ZNF469: variants seen among roughly 807,000 people sequenced by gnomAD.
ZNF469 encodes zinc finger protein 469.
ZNF469 carries 1 observed loss-of-function variant against 1.0 expected under a neutral mutation model. That is an observed-to-expected ratio of 1.00 (90% CI 0.35 to 4.73). ZNF469 has a LOEUF of 4.73. ZNF469 is among the 30% of genes most tolerant of loss of function. ZNF469 has a pLI of 0.16. For synonymous variants in ZNF469, 2,703 were observed against 2,363.4 expected, an observed-to-expected ratio of 1.14 and a Z score of -4.17; for missense variants, 6,100 against 5,356.3, an observed-to-expected ratio of 1.14 and a Z score of -4.33.
At chr16:88,224,301 G>A in the ZNF469 span, among the ~76,000 whole-genome samples, 4 of 152,210 alleles carry the variant, frequency 2.6e-5, no homozygotes, top group Non-Finnish European at 4.4e-5. Context: ...GGCGAGGCAG[G>A]GTGTTAGCCA....
In ZNF469 at chr16:88,439,273, C is replaced by G. The variant is rs1333390318; in HGVS notation, c.11803C>G (p.Leu3935Val). The stretch of plus-strand genomic sequence containing the variant: ...GGCCCAGAGTGACCTCCTCAGCCAG[C>G]TCTTCGGGCAGAGACTAACTGGCTT... ...AEAQSDLLSQ[L>V]FGQRLTGFKI... Residue 3935 changes from leucine (L) to valine (V), a missense_variant, in exon 3 of 3, where the codon CTC (leucine) becomes GTC (valine). Transcript: ENST00000565624. 6.4e-7 allele frequency: 1 copy of G among 1,550,494 alleles called. No homozygotes were observed. The highest frequency in any genetic ancestry group is 8.7e-7 in the Non-Finnish European group (1 of 1,147,004).
chr16:88,331,447 A>C, the ZNF469 span, among the ~76,000 whole-genome samples: 34 of 122,228 alleles, frequency 2.8e-4, no homozygotes, highest in East Asian at 8.0e-4. Flanking sequence ...TAACCATCAT[A>C]ATCACCACCA....
Position 88,431,159 on chromosome 16 carries a change from C to G in ZNF469, c.3689C>G (p.Thr1230Ser). ...DFPQEAKEPE[T>S]AEESAPDSTE... ...CCCCAGGAGGCCAAGGAGCCTGAAA[C>G]TGCCGAAGAGTCAGCCCCGGACAGC... The change falls in exon 3 of 3, where the codon ACT becomes AGT. Residue 1230 changes from threonine (T) to serine (S), a missense_variant. By Grantham distance (58) the Thr-to-Ser change is moderately conservative. Coordinates refer to ENST00000565624, the MANE Select transcript of ZNF469 (RefSeq NM_001367624.2). 1 of 1,550,360 alleles carries G rather than the reference C, an allele frequency of 6.5e-7. No individual in the cohort carries two copies. Among genetic ancestry groups the G allele is most frequent in the Non-Finnish European group, 8.7e-7 (1 of 1,146,958 alleles).
chr16:88,436,778 G>T lies in ZNF469; in HGVS notation c.9308G>T (p.Gly3103Val), dbSNP rs757127806. ...EEAAGAGRAQ[G>V]RGRPAKGRRA... ...GCTGCAGGGGCAGGGAGGGCCCAAG[G>T]CAGAGGCCGGCCGGCCAAGGGCAGG... The change falls in exon 3 of 3, where the codon GGC (glycine) becomes GTC (valine). Residue 3103 changes from glycine (G) to valine (V), a missense_variant. Coordinates refer to ENST00000565624, the MANE Select transcript of ZNF469 (RefSeq NM_001367624.2). 1.3e-6 allele frequency: 2 copies of T among 1,545,530 alleles called. No homozygotes were observed. Among genetic ancestry groups the T allele is most frequent in the Middle Eastern group, 1.7e-4 (1 of 5,976 alleles).
the ZNF469 span, among the ~76,000 whole-genome samples, chr16:88,313,790 G>C: frequency 9.2e-5 from 14 of 152,166 alleles, no homozygotes; most frequent in Admixed American, 9.2e-4. Flanking sequence ...TTCAGGCAGT[G>C]CTGCTGTGGA....
chr16:88,266,013 C>G, the ZNF469 span, among the ~76,000 whole-genome samples: 1 of 152,268 alleles, frequency 6.6e-6, no homozygotes, highest in Non-Finnish European at 1.5e-5. Context: ...CCACCCCCAA[C>G]AAGCTTGAGC....
the ZNF469 span, among the ~76,000 whole-genome samples, chr16:88,152,416 G>A: frequency 2.6e-5 from 4 of 152,150 alleles, no homozygotes; most frequent in Non-Finnish European, 4.4e-5. This position sits in a 1 kb window ranked among gnomAD's most constrained non-coding sequence, Gnocchi z 4.2. Context: ...CGTCTATGGT[G>A]CTGGCCGAGG....
chr16:88,154,557 T>C, the ZNF469 span, among the ~76,000 whole-genome samples: 1 of 152,248 alleles, frequency 6.6e-6, no homozygotes, highest in Non-Finnish European at 1.5e-5. Context: ...TGTTTCCTGA[T>C]TGAAGCCTCG....
the ZNF469 span, among the ~76,000 whole-genome samples, chr16:88,331,037 C>T: frequency 8.4e-6 from 1 of 118,940 alleles, no homozygotes; most frequent in Non-Finnish European, 1.8e-5. Flanking sequence ...CTATTACCAC[C>T]ATCATCACCA....
At chr16:88,413,477 C>G (rs778832657) in intron 1 of ZNF469, among the ~76,000 whole-genome samples, 6 of 152,254 alleles carry the variant, frequency 3.9e-5, no homozygotes, top group Non-Finnish European at 7.3e-5. Flanking sequence ...CTGTGTTTTT[C>G]TGAAAGCAGG....
At chr16:88,416,393 G>A (rs75294426) in intron 1 of ZNF469, among the ~76,000 whole-genome samples, 7,557 of 152,240 alleles carry the variant, frequency 0.05, 216 homozygotes, top group Middle Eastern at 0.068. Context: ...GCCTGCTGGG[G>A]CTTCCCCACG....
chr16:88,330,198 C>T, the ZNF469 span, among the ~76,000 whole-genome samples: 2 of 152,252 alleles, frequency 1.3e-5, no homozygotes, highest in East Asian at 3.8e-4. Flanking sequence ...TGGCTGTTTC[C>T]TGTGAATGCA....
chr16:88,300,027 C>T, the ZNF469 span, among the ~76,000 whole-genome samples: 1 of 152,136 alleles, frequency 6.6e-6, no homozygotes, highest in African/African-American at 2.4e-5. Context: ...GCTAGGGGGA[C>T]GCAATGGCAT....
the ZNF469 span, among the ~76,000 whole-genome samples, chr16:88,281,536 G>A: frequency 6.8e-5 from 10 of 146,972 alleles, no homozygotes; most frequent in Non-Finnish European, 1.2e-4. Context: ...GTACTGTGCC[G>A]ATGTTGGCTC....
the ZNF469 span, among the ~76,000 whole-genome samples, chr16:88,270,763 C>A: frequency 6.6e-6 from 1 of 152,202 alleles, no homozygotes; most frequent in African/African-American, 2.4e-5. Flanking sequence ...AAGGAAAAGC[C>A]CATCGCTGAA....
At chr16:88,169,670 C>T in the ZNF469 span, among the ~76,000 whole-genome samples, 3 of 152,246 alleles carry the variant, frequency 2.0e-5, no homozygotes, top group Admixed American at 6.5e-5. The surrounding 1 kb of genome is among the most constrained non-coding windows in gnomAD (Gnocchi z 6.1). Context: ...TGAGCCTTTG[C>T]GCCCAGGTCG....
the ZNF469 span, among the ~76,000 whole-genome samples, chr16:88,288,699 AG>A: frequency 6.6e-6 from 1 of 152,242 alleles, no homozygotes; most frequent in Non-Finnish European, 1.5e-5. Flanking sequence ...ATAGATGGAA[AG>A]ATTGAGACCT....
At chr16:88,135,800 G>A in the ZNF469 span, among the ~76,000 whole-genome samples, 7 of 121,666 alleles carry the variant, frequency 5.8e-5, no homozygotes, top group African/African-American at 1.5e-4. Flanking sequence ...TCGCTCTGTC[G>A]CCCAAGCTGG....
chr16:88,171,725 C>T, the ZNF469 span, among the ~76,000 whole-genome samples: 13 of 152,200 alleles, frequency 8.5e-5, no homozygotes, highest in African/African-American at 2.4e-4. Context: ...TGGGGAGAAA[C>T]GGTCTTTATC....
Sources: gnomAD v4.1 joint callset for allele counts (sites outside exome capture counted in the v4.1 genomes callset) on GRCh38, gnomAD v4.1.1 for gene constraint, Gnocchi (gnomAD v3.1) non-coding constraint, MANE v1.5 for transcripts, NCBI Gene and HGNC (gene_info 2026-07-23, HGNC 2026-07-21) for gene names.